SLC35F4: variants seen among roughly 807,000 people sequenced by gnomAD.
SLC35F4 encodes chromosome 14 open reading frame 36.
SLC35F4 carries 24 observed loss-of-function variants against 44.2 expected under a neutral mutation model. The observed-to-expected ratio is 0.54, with a 90% CI of 0.39 to 0.76. The LOEUF (loss-of-function observed/expected upper bound fraction) is 0.76, where lower values mean the gene tolerates loss of function less well. SLC35F4 is among the 30% of genes least tolerant of loss of function. SLC35F4 has a pLI of 0.00. For missense variants in SLC35F4, 562 were observed against 586.1 expected (o/e 0.96, Z 0.42); for synonymous variants, 238 against 223.6 (o/e 1.06, Z -0.57).
chr14:57,752,486 G>C (rs2076908199), intron 1 of SLC35F4, among the ~76,000 whole-genome samples: 1 of 151,264 alleles, frequency 6.6e-6, no homozygotes, highest in Admixed American at 6.6e-5. Context: ...TTTTGAGACG[G>C]AGTCTTGCTC....
chr14:57,818,926 A>G (rs1161973056), intron 1 of SLC35F4, among the ~76,000 whole-genome samples: 1 of 152,226 alleles, frequency 6.6e-6, no homozygotes, highest in Non-Finnish European at 1.5e-5. Context: ...AATGGCAAGC[A>G]TCACATTGAA....
At chr14:57,941,496 A>T (rs1889916303) in intron 1 of SLC35F4, among the ~76,000 whole-genome samples, 1 of 152,230 alleles carries the variant, frequency 6.6e-6, no homozygotes, top group South Asian at 2.1e-4. Flanking sequence ...AAATACATAG[A>T]TGCAGAAAAT....
At chr14:57,730,748 A>G (rs1243323215) in intron 1 of SLC35F4, among the ~76,000 whole-genome samples, 1 of 152,172 alleles carries the variant, frequency 6.6e-6, no homozygotes, top group Non-Finnish European at 1.5e-5. Flanking sequence ...TTAGATCCAC[A>G]TGCTTCTGCA....
intron 1 of SLC35F4, chr14:57,837,751 G>C (rs1566893966): frequency 6.6e-6 from 1 of 152,160 alleles, no homozygotes; most frequent in African/African-American, 2.4e-5. Context: ...TTTTGTGCCA[G>C]GTTCTAGAGC....
Position 57,906,353 on chromosome 14 carries a change from A to G in SLC35F4, n.282+75560T>C, listed in dbSNP as rs187899448. Among the ~76,000 whole-genome samples the G allele has an allele frequency of 5.0e-3, 758 of 152,330 alleles. 2 individuals carry two copies. The highest frequency in any genetic ancestry group is 0.017 in the African/African-American group (696 of 41,574). On this transcript the variant is annotated intron_variant and non_coding_transcript_variant, in intron 1 of 1. Coordinates refer to the SLC35F4 transcript ENST00000556568. ...ATTGTACTGCACTTGCTCTTTTCAC[A>G]TAATAGCATAGCTTTCACATCTCTC...
chr14:57,781,903 G>A (rs2077630711), intron 1 of SLC35F4, among the ~76,000 whole-genome samples: 2 of 152,100 alleles, frequency 1.3e-5, no homozygotes, highest in Admixed American at 1.3e-4. Context: ...AGACACTAGA[G>A]TCTACCTGAG....
At chr14:57,934,989 C>T (rs1366898476) in intron 1 of SLC35F4, among the ~76,000 whole-genome samples, 2 of 152,130 alleles carry the variant, frequency 1.3e-5, no homozygotes, top group South Asian at 2.1e-4. Flanking sequence ...CCCCAAACTT[C>T]AGAAACACAG....
chr14:57,705,313 A>T (rs2075644931), intron 1 of SLC35F4, among the ~76,000 whole-genome samples: 1 of 152,194 alleles, frequency 6.6e-6, no homozygotes, highest in Non-Finnish European at 1.5e-5. Context: ...TCCTTAATTC[A>T]TTTATTTAGA....
chr14:57,728,425 TC>T (rs1363193313), intron 1 of SLC35F4, among the ~76,000 whole-genome samples: 5,070 of 126,766 alleles, frequency 0.04, 527 homozygotes, highest in South Asian at 0.058. Flanking sequence ...TGATTTTTCT[TC>T]TTTTTTCTTT....
intron 1 of SLC35F4, among the ~76,000 whole-genome samples, chr14:57,601,336 A>C (rs1303775998): frequency 6.6e-6 from 1 of 152,054 alleles, no homozygotes; most frequent in Non-Finnish European, 1.5e-5. Flanking sequence ...TTCAACTTTT[A>C]TTTTAGATTC....
chr14:57,775,397 G>A (rs539380136), intron 1 of SLC35F4, among the ~76,000 whole-genome samples: 8 of 152,356 alleles, frequency 5.3e-5, no homozygotes, highest in African/African-American at 1.4e-4. Flanking sequence ...AGCCATTGGA[G>A]TCTTGGAACC....
chr14:57,684,801 C>G (rs140662266), intron 1 of SLC35F4, among the ~76,000 whole-genome samples: 111 of 152,284 alleles, frequency 7.3e-4, no homozygotes, highest in African/African-American at 2.5e-3. Flanking sequence ...TCCAGGCATC[C>G]CCTCATCTCA....
In SLC35F4 at chr14:57,608,786, CCGGGGGG is replaced by C. The variant is rs1272753959; in HGVS notation, c.104-14669_104-14663del. ...AAAAGAAAAGCAGCCCAAAAGATGG[CCGGGGGG>C]GGGCGGCGGGGGGAGAGAAACAGGA... On this transcript the variant is annotated intron_variant, in intron 1 of 7. Transcript: ENST00000556826. Among the ~76,000 whole-genome samples, 126 of 14,660 alleles carry C rather than the reference CCGGGGGG, an allele frequency of 8.6e-3. 6 individuals are homozygous for C. Among genetic ancestry groups the C allele is most frequent in the African/African-American group, 0.016 (123 of 7,892 alleles). 9.6% of individuals were successfully genotyped at this position (14,660 alleles called of 152,430 possible).
intron 1 of SLC35F4, among the ~76,000 whole-genome samples, chr14:57,620,799 G>A (rs543586773): frequency 3.2e-4 from 48 of 152,304 alleles, no homozygotes; most frequent in African/African-American, 1.1e-3. Flanking sequence ...TCAACATAGT[G>A]TTGGAAGTTC....
chr14:57,675,684 T>C lies in SLC35F4; in HGVS notation c.104-81560A>G, dbSNP rs141115584. Among the ~76,000 whole-genome samples the C allele has an allele frequency of 6.8e-3, 1,034 of 152,222 alleles. 14 individuals carry two copies. Among genetic ancestry groups the C allele is most frequent in the African/African-American group, 0.023 (964 of 41,468 alleles). ...ATTGCTTTTATTACTTTGAGGTAAGTCCCTTCTATGACTGTTTTGTTGAGG... is the reference window on the plus strand; with the variant it reads ...ATTGCTTTTATTACTTTGAGGTAAGCCCCTTCTATGACTGTTTTGTTGAGG... On this transcript the variant is annotated intron_variant, in intron 1 of 7. Transcript: ENST00000556826.
chr14:57,951,026 G>T (rs548720454), intron 1 of SLC35F4, among the ~76,000 whole-genome samples: 5 of 152,182 alleles, frequency 3.3e-5, no homozygotes, highest in African/African-American at 9.6e-5. Flanking sequence ...TGGCCAATTG[G>T]GAACACCTCT....
At chr14:57,659,529 A>G (rs189684256) in intron 1 of SLC35F4, among the ~76,000 whole-genome samples, 1 of 152,330 alleles carries the variant, frequency 6.6e-6, no homozygotes, top group East Asian at 1.9e-4. Context: ...ACAGAGGAAT[A>G]GTTACTATTA....
At chr14:57,673,775 A>T (rs1411360473) in intron 1 of SLC35F4, among the ~76,000 whole-genome samples, 1 of 152,068 alleles carries the variant, frequency 6.6e-6, no homozygotes, top group Non-Finnish European at 1.5e-5. Flanking sequence ...TTTATTGGAG[A>T]GGTCACAGTG....
At chr14:57,903,897 A>G (rs539570791) in intron 1 of SLC35F4, among the ~76,000 whole-genome samples, 20 of 152,372 alleles carry the variant, frequency 1.3e-4, no homozygotes, top group African/African-American at 4.8e-4. Flanking sequence ...ATCTATCTCA[A>G]AAAATCTTTT....
Sources: allele counts gnomAD v4.1 joint callset (sites outside exome capture counted in the v4.1 genomes callset), GRCh38; gene constraint gnomAD v4.1.1; transcripts MANE v1.5; gene names NCBI Gene and HGNC (gene_info 2026-07-23, HGNC 2026-07-21).